UBAP2: variants seen among roughly 807,000 people sequenced by gnomAD.
UBAP2 encodes ubiquitin-associated protein 2.
In UBAP2, 75 loss-of-function variants were observed where a neutral mutation model predicts 139.6. The ratio of observed to expected loss-of-function variants is 0.54; its 90% CI spans 0.45 to 0.65. The LOEUF is 0.65. UBAP2 is among the 30% of genes least tolerant of loss of function. UBAP2 has a pLI of 0.00. For missense variants in UBAP2, 1,368 were observed against 1,369.6 expected (o/e 1.00, Z 0.02); for synonymous variants, 526 against 526.2 (o/e 1.00, Z 0.01).
At chr9:33,994,699 G>A (rs1822002646) in intron 4 of UBAP2, 1 of 150,416 alleles carries the variant, frequency 6.6e-6, no homozygotes, top group African/African-American at 2.4e-5. Context: ...TTGATGGTTT[G>A]TCTTGTGTAC....
chr9:34,044,228 T>C (rs1421877257), intron 1 of UBAP2, among the ~76,000 whole-genome samples: 1 of 151,148 alleles, frequency 6.6e-6, no homozygotes, highest in Non-Finnish European at 1.5e-5. Context: ...GGTGAAACCT[T>C]GTCTCTACTA....
At chr9:34,011,121 GA>G (rs1386813155) in intron 2 of UBAP2, among the ~76,000 whole-genome samples, 1 of 152,100 alleles carries the variant, frequency 6.6e-6, no homozygotes, top group East Asian at 1.9e-4. Context: ...CTTGATGGGT[GA>G]AAGAATCTCA....
chr9:33,931,536 A>T (rs1209430731), intron 19 of UBAP2, among the ~76,000 whole-genome samples: 1 of 152,214 alleles, frequency 6.6e-6, no homozygotes, highest in Admixed American at 6.5e-5. Context: ...CACCACTCCC[A>T]TGAGCCACAG....
At chr9:33,959,261 G>C (rs1826829301) in intron 10 of UBAP2, among the ~76,000 whole-genome samples, 1 of 152,156 alleles carries the variant, frequency 6.6e-6, no homozygotes, top group African/African-American at 2.4e-5. Context: ...GTGTGTGAAG[G>C]AGTAGTAAGA....
At chr9:33,962,976 T>C (rs1365653451) in intron 9 of UBAP2, among the ~76,000 whole-genome samples, 5 of 151,130 alleles carry the variant, frequency 3.3e-5, no homozygotes, top group African/African-American at 7.3e-5. Flanking sequence ...CAAAACTCCA[T>C]CTCAAAAAAA....
At chr9:34,035,225 A>G (rs1449494719) in intron 1 of UBAP2, among the ~76,000 whole-genome samples, 1 of 151,354 alleles carries the variant, frequency 6.6e-6, no homozygotes, top group African/African-American at 2.4e-5. Flanking sequence ...TCATACGGCT[A>G]GGCGCGGTGG....
chr9:34,033,363 G>T lies in UBAP2; in HGVS notation c.-42+15462C>A, dbSNP rs569117175. Among the ~76,000 whole-genome samples, 7 of 152,180 alleles carry T rather than the reference G, an allele frequency of 4.6e-5. No homozygotes were observed. The East Asian group carries it at 1.4e-3, about 29-fold the overall frequency. On this transcript the variant is annotated intron_variant, in intron 1 of 28. Transcript: ENST00000379238. ...TGTTAAGTGAAATAACCCAGAAACA[G>T]AAAGACAAACATCACATGTTCTCAC...
chr9:33,971,819 C>T, intron 7 of UBAP2, 65 bp from the exon 8 acceptor site: 2 of 928,992 alleles, frequency 2.2e-6, no homozygotes, highest in Non-Finnish European at 1.8e-6. Context: ...AAATATTAAC[C>T]ATACATGATC....
chr9:34,042,385 G>A (rs952698783), intron 1 of UBAP2, among the ~76,000 whole-genome samples: 4 of 151,386 alleles, frequency 2.6e-5, no homozygotes, highest in Non-Finnish European at 5.9e-5. Flanking sequence ...GATGGAGGCT[G>A]GAGATTCGCT....
intron 2 of UBAP2, among the ~76,000 whole-genome samples, chr9:34,000,859 G>A (rs1213432185): frequency 6.6e-6 from 1 of 152,118 alleles, no homozygotes; most frequent in African/African-American, 2.4e-5. Flanking sequence ...TATGCCTGCT[G>A]AGACCTCAGT....
Position 33,941,733 on chromosome 9 carries a change from G to T in UBAP2, c.1845C>A (p.Ser615=). 6.2e-7 allele frequency: 1 copy of T among 1,614,144 alleles called. No individual in the cohort carries two copies. Among genetic ancestry groups the T allele is most frequent in the Non-Finnish European group, 8.5e-7 (1 of 1,180,018 alleles). ...TATGCACAGAACTCTGGTCATAAGA[G>T]GAAGACATTGCTACTGGACTAGCAG... is the stretch of plus-strand genomic sequence containing the variant. ...LNSASPVAMS[S]SYDQSSVHNR... Residue 615 remains serine, a synonymous_variant, in exon 16 of 29, where the codon TCC becomes TCA. Transcript: ENST00000379238.
At chr9:33,947,547 C>T (rs7026331) in intron 13 of UBAP2, among the ~76,000 whole-genome samples, 19,044 of 152,012 alleles carry the variant, frequency 0.13, 1,538 homozygotes, top group African/African-American at 0.22. Flanking sequence ...CCAGGCCGGG[C>T]GTGGTGGCTC....
chr9:33,926,929 A>T, intron 21 of UBAP2, 60 bp downstream of exon 21: 1 of 1,547,558 alleles, frequency 6.5e-7, no homozygotes, highest in Non-Finnish European at 8.9e-7. Flanking sequence ...GGTTCCTGCC[A>T]GGTGCCAGCC....
intron 2 of UBAP2, among the ~76,000 whole-genome samples, chr9:34,013,426 G>A (rs1823946650): frequency 6.6e-6 from 1 of 151,282 alleles, no homozygotes; most frequent in South Asian, 2.1e-4. Flanking sequence ...TGGAGGCAGA[G>A]GTTGCAGTGA....
intron 5 of UBAP2, among the ~76,000 whole-genome samples, chr9:33,988,565 C>T (rs1821407027): frequency 6.6e-6 from 1 of 152,180 alleles, no homozygotes; most frequent in Admixed American, 6.6e-5. Context: ...CTTTATCTAC[C>T]TGTAACTAAA....
At chr9:34,012,900 G>A (rs925383051) in intron 2 of UBAP2, among the ~76,000 whole-genome samples, 4 of 150,546 alleles carry the variant, frequency 2.7e-5, no homozygotes, top group African/African-American at 4.9e-5. Context: ...CCTATAATCC[G>A]GGCAGTTTGG....
At chr9:33,943,364 C>A in intron 15 of UBAP2, 56 bp downstream of exon 15, 1 of 1,545,580 alleles carries the variant, frequency 6.5e-7, no homozygotes, top group South Asian at 1.2e-5. Flanking sequence ...TCTTTTCCAC[C>A]AGTTGATCTC....
chr9:33,927,126 G>C (rs1293368645), intron 20 of UBAP2, 46 bp from the exon 21 acceptor site: 1 of 1,463,420 alleles, frequency 6.8e-7, no homozygotes. Context: ...TCACCACAAA[G>C]AGTGAGAGTC....
At chr9:33,969,759 A>G (rs1314101134) in intron 8 of UBAP2, among the ~76,000 whole-genome samples, 2 of 150,904 alleles carry the variant, frequency 1.3e-5, no homozygotes, top group African/African-American at 4.9e-5. Context: ...CCAGCTACTC[A>G]GGACACTGAA....
Sources: gnomAD v4.1 joint callset for allele counts (sites outside exome capture counted in the v4.1 genomes callset) on GRCh38, gnomAD v4.1.1 for gene constraint, MANE v1.5 for transcripts, NCBI Gene and HGNC (gene_info 2026-07-23, HGNC 2026-07-21) for gene names.